Variants in UIMC1 observed in about 807,000 individuals in gnomAD.
UIMC1 encodes BRCA1-A complex subunit RAP80.
UIMC1 carries 42 observed loss-of-function variants against 84.9 expected under a neutral mutation model. That is an observed-to-expected ratio of 0.49 (90% confidence interval 0.39 to 0.64). The LOEUF (loss-of-function observed/expected upper bound fraction) is 0.64. Ranked by LOEUF, UIMC1 falls within the 30% of genes least tolerant of loss-of-function variation. The pLI is 0.00. For synonymous variants in UIMC1, 281 were observed against 293.0 expected (o/e 0.96, Z 0.42); for missense variants, 825 against 847.6 (o/e 0.97, Z 0.33).
chr5:177,012,188 C>A (rs1038251347), intron 1 of UIMC1, among the ~76,000 whole-genome samples: 4 of 152,162 alleles, frequency 2.6e-5, no homozygotes, highest in Non-Finnish European at 4.4e-5. Context: ...GCCTACTTGA[C>A]TTTTCCACCT....
chr5:176,914,027 T>TACCATACCATAC (rs764111777), intron 10 of UIMC1, among the ~76,000 whole-genome samples: 1 of 140,614 alleles, frequency 7.1e-6, no homozygotes, highest in Non-Finnish European at 1.6e-5. Context: ...CCATACACCA[T>TACCATACCATAC]ACCATACCAT....
chr5:176,993,989 CAA>C (rs1450721643), intron 1 of UIMC1, among the ~76,000 whole-genome samples: 1 of 134,130 alleles, frequency 7.5e-6, no homozygotes, highest in Non-Finnish European at 1.6e-5. Flanking sequence ...GCCTGGGTAA[CAA>C]GAGTGAAACT....
chr5:177,021,524 G>T (rs1302950825), intron 1 of UIMC1, among the ~76,000 whole-genome samples: 1 of 152,096 alleles, frequency 6.6e-6, no homozygotes, highest in Non-Finnish European at 1.5e-5. Context: ...ATATATGAGA[G>T]AAATTCACCC....
At chr5:176,922,087 C>A (rs180808246) in intron 10 of UIMC1, among the ~76,000 whole-genome samples, 3 of 152,294 alleles carry the variant, frequency 2.0e-5, no homozygotes, top group Admixed American at 2.0e-4. Flanking sequence ...CTCCCTTGAT[C>A]TTTCTCTTTA....
intron 10 of UIMC1, among the ~76,000 whole-genome samples, chr5:176,918,867 T>C (rs997787417): frequency 6.6e-6 from 1 of 152,204 alleles, no homozygotes; most frequent in Non-Finnish European, 1.5e-5. Flanking sequence ...TAGGTGTCCC[T>C]ATCTGCTGAA....
intron 2 of UIMC1, among the ~76,000 whole-genome samples, chr5:176,977,426 C>T (rs1435027048): frequency 2.0e-5 from 3 of 151,720 alleles, no homozygotes; most frequent in African/African-American, 4.8e-5. Flanking sequence ...TTCTCAAGTA[C>T]ACACAGAATA....
At chr5:176,915,087 C>A (rs1386087848) in intron 10 of UIMC1, among the ~76,000 whole-genome samples, 1 of 152,172 alleles carries the variant, frequency 6.6e-6, no homozygotes, top group Non-Finnish European at 1.5e-5. Context: ...AACCACTCCA[C>A]AGATAGGGAT....
chr5:176,936,538 C>T (rs1763731513), intron 10 of UIMC1, among the ~76,000 whole-genome samples: 1 of 152,154 alleles, frequency 6.6e-6, no homozygotes, highest in Admixed American at 6.6e-5. Flanking sequence ...GTGGTTCCTC[C>T]CTTGCTCAAG....
intron 1 of UIMC1, among the ~76,000 whole-genome samples, chr5:176,983,025 G>A (rs542122691): frequency 3.3e-5 from 5 of 151,684 alleles, no homozygotes; most frequent in Admixed American, 2.6e-4. Flanking sequence ...GTAGAGACTG[G>A]GTTTCACCAT....
chr5:176,962,540 C>G (rs1169562661), intron 6 of UIMC1, among the ~76,000 whole-genome samples: 1 of 105,962 alleles, frequency 9.4e-6, no homozygotes, highest in South Asian at 2.8e-4. Context: ...GTCAGCCCCC[C>G]GCCCGGCCAG....
At chr5:177,010,699 T>C (rs1775528685), upstream of UIMC1, among the ~76,000 whole-genome samples, 1 of 152,064 alleles carries the variant, frequency 6.6e-6, no homozygotes, top group Non-Finnish European at 1.5e-5. Context: ...TTTTTTGTAT[T>C]TTTAGTAGAG....
At chr5:176,980,913 G>C (rs1770935297) in intron 2 of UIMC1, among the ~76,000 whole-genome samples, 1 of 151,376 alleles carries the variant, frequency 6.6e-6, no homozygotes, top group Non-Finnish European at 1.5e-5. Flanking sequence ...GCTAAGTTTT[G>C]TATTTTTTGT....
At chr5:176,906,125 C>T (rs2292256) in intron 13 of UIMC1, 78 bp from the exon 14 acceptor site, 725,228 of 1,432,986 alleles carry the variant, frequency 0.51, 187,757 homozygotes, top group African/African-American at 0.82. Context: ...CTTTTGCTTC[C>T]GTGCTCTAGG....
At chr5:176,993,371 T>C (rs905236981) in intron 1 of UIMC1, among the ~76,000 whole-genome samples, 4 of 152,068 alleles carry the variant, frequency 2.6e-5, no homozygotes, top group Admixed American at 6.6e-5. Flanking sequence ...TTATTTTTTG[T>C]AGAGACAAGG....
At position 176,982,470 on chromosome 5, in the gene UIMC1, T is replaced by G. The variant is rs1277740548; in HGVS notation, c.146A>C (p.Glu49Ala). Residue 49 changes from glutamate to alanine, a missense_variant and splice_region_variant, in exon 2 of 15, where the codon GAG becomes GCG. Coordinates refer to ENST00000511320, the MANE Select transcript of UIMC1 (RefSeq NM_001199298.2). ...AFIVISDSDG[E>A]EPKEENGLQK... is the part of the protein sequence containing the mutation. ...ACTTTTCAGCTCTACTTCACTAACC[T>G]CTCCATCACTATCGGATATCACAAT... 6.2e-7 allele frequency: 1 copy of G among 1,611,992 alleles called. No homozygotes were observed. Among genetic ancestry groups the G allele is most frequent in the Admixed American group, 1.7e-5 (1 of 59,158 alleles).
At chr5:176,924,670 A>G (rs1762156889) in intron 10 of UIMC1, among the ~76,000 whole-genome samples, 2 of 152,228 alleles carry the variant, frequency 1.3e-5, no homozygotes, top group African/African-American at 2.4e-5. Context: ...ATACCTAAAT[A>G]GAAAATAATA....
intron 1 of UIMC1, among the ~76,000 whole-genome samples, chr5:176,992,306 G>A (rs1488134557): frequency 6.6e-6 from 1 of 151,954 alleles, no homozygotes; most frequent in Admixed American, 6.6e-5. Flanking sequence ...TCTCAAAGGA[G>A]CGAAAGACCC....
intron 1 of UIMC1, among the ~76,000 whole-genome samples, chr5:177,014,064 T>C (rs1775622407): frequency 6.7e-6 from 1 of 149,396 alleles, no homozygotes; most frequent in Non-Finnish European, 1.5e-5. Flanking sequence ...TTTCTTTTTT[T>C]TTTTTTTTTT....
chr5:177,007,340 C>CAAAAAAAA (rs56871601), upstream of UIMC1, among the ~76,000 whole-genome samples: 3 of 58,416 alleles, frequency 5.1e-5, no homozygotes, highest in Non-Finnish European at 1.2e-4. Flanking sequence ...GACTCCGTCT[C>CAAAAAAAA]AAAAAAAAAA....
Sources: gnomAD v4.1 joint callset for allele counts (sites outside exome capture counted in the v4.1 genomes callset) on GRCh38, gnomAD v4.1.1 for gene constraint, MANE v1.5 for transcripts, NCBI Gene and HGNC (gene_info 2026-07-23, HGNC 2026-07-21) for gene names.